The following GULP1 variants were observed in gnomAD, a reference collection of about 807,000 sequenced individuals.
GULP1 encodes the protein PTB domain-containing engulfment adapter protein 1.
GULP1 carries 19 observed loss-of-function variants against 40.9 expected under a neutral mutation model. The ratio of observed to expected loss-of-function variants is 0.46; its 90% confidence interval spans 0.32 to 0.68. The LOEUF is 0.68. GULP1 is among the 30% of genes least tolerant of loss of function. The pLI, the probability that GULP1 is intolerant of heterozygous loss-of-function variation, is 0.03. For missense variants in GULP1, 312 were observed against 362.2 expected, an observed-to-expected ratio of 0.86 and a Z score of 1.12; for synonymous variants, 119 against 117.6, an observed-to-expected ratio of 1.01 and a Z score of -0.08.
chr2:188,588,546 G>C (rs1344626593), intron 11 of GULP1: 1 of 152,876 alleles, frequency 6.5e-6, no homozygotes, highest in Non-Finnish European at 1.5e-5. Flanking sequence ...TGCACTATGG[G>C]CCATGATTTA....
At chr2:188,360,780 A>G (rs1025524797) in intron 1 of GULP1, among the ~76,000 whole-genome samples, 4 of 152,146 alleles carry the variant, frequency 2.6e-5, no homozygotes, top group Admixed American at 2.6e-4. Flanking sequence ...GCAATAAAAC[A>G]CAAACTGCCT....
intron 1 of GULP1, among the ~76,000 whole-genome samples, chr2:188,334,881 A>G (rs2042063194): frequency 6.6e-6 from 1 of 152,220 alleles, no homozygotes; most frequent in Non-Finnish European, 1.5e-5. Flanking sequence ...AATCTGCTAC[A>G]AGTTGTGATG....
chr2:188,452,989 C>T (rs2058956295), intron 2 of GULP1, among the ~76,000 whole-genome samples: 1 of 151,576 alleles, frequency 6.6e-6, no homozygotes, highest in South Asian at 2.1e-4. Flanking sequence ...GTATATTTGC[C>T]CTTTTTTTTT....
chr2:188,572,964 C>T (rs1479515975), intron 9 of GULP1, among the ~76,000 whole-genome samples: 3 of 152,076 alleles, frequency 2.0e-5, no homozygotes, highest in African/African-American at 7.2e-5. Context: ...TAGTTAATAA[C>T]AAGGTATTAT....
At chr2:188,383,042 A>G (rs1244064464) in intron 1 of GULP1, among the ~76,000 whole-genome samples, 1 of 152,182 alleles carries the variant, frequency 6.6e-6, no homozygotes, top group South Asian at 2.1e-4. Context: ...ATGTTTCTCC[A>G]TTCTTCCCCC....
chr2:188,401,099 A>G (rs1044454166), intron 2 of GULP1, among the ~76,000 whole-genome samples: 2 of 152,126 alleles, frequency 1.3e-5, no homozygotes, highest in Non-Finnish European at 2.9e-5. Context: ...AGTGATGTTG[A>G]ATAAACAAAT....
chr2:188,339,408 G>A (rs376952512), intron 1 of GULP1, among the ~76,000 whole-genome samples: 48 of 152,286 alleles, frequency 3.2e-4, no homozygotes, highest in South Asian at 1.2e-3. Flanking sequence ...TTTGTCATTA[G>A]ATGGGTTTTA....
intron 9 of GULP1, among the ~76,000 whole-genome samples, chr2:188,578,949 T>G (rs1700722119): frequency 6.6e-6 from 1 of 152,166 alleles, no homozygotes; most frequent in South Asian, 2.1e-4. Context: ...TCCAGAACCT[T>G]GAAACCTAAG....
chr2:188,539,109 G>A (rs192644100), intron 6 of GULP1, among the ~76,000 whole-genome samples: 30 of 151,750 alleles, frequency 2.0e-4, no homozygotes, highest in East Asian at 9.7e-4. Context: ...CTTTTCTCAC[G>A]TGTCCTCCAA....
intron 2 of GULP1, among the ~76,000 whole-genome samples, chr2:188,418,614 T>C (rs1463146369): frequency 2.0e-5 from 3 of 152,118 alleles, no homozygotes; most frequent in African/African-American, 4.8e-5. Context: ...GCCTGGGGAA[T>C]AGAGCCAGAC....
At chr2:188,301,016 T>C (rs1358255614) in intron 1 of GULP1, among the ~76,000 whole-genome samples, 1 of 152,124 alleles carries the variant, frequency 6.6e-6, no homozygotes, top group African/African-American at 2.4e-5. Context: ...TTCCTGTTTA[T>C]TTATTTATTT....
chr2:188,362,151 G>A (rs1026092281), intron 1 of GULP1, among the ~76,000 whole-genome samples: 2 of 151,944 alleles, frequency 1.3e-5, no homozygotes, highest in Admixed American at 6.6e-5. Flanking sequence ...GTGAAACTGT[G>A]TCTATCTCAT....
At chr2:188,562,785 G>A (rs1206163097) in intron 7 of GULP1, among the ~76,000 whole-genome samples, 1 of 152,134 alleles carries the variant, frequency 6.6e-6, no homozygotes, top group African/African-American at 2.4e-5. Flanking sequence ...TATATGCTGG[G>A]CCATAATGGG....
At chr2:188,507,967 A>C (rs2064105978) in intron 4 of GULP1, among the ~76,000 whole-genome samples, 1 of 151,988 alleles carries the variant, frequency 6.6e-6, no homozygotes, top group African/African-American at 2.4e-5. Flanking sequence ...CTGTATATAT[A>C]AAGGGAAGTT....
intron 1 of GULP1, among the ~76,000 whole-genome samples, chr2:188,335,001 G>A (rs1435699279): frequency 2.0e-5 from 3 of 152,208 alleles, no homozygotes; most frequent in Non-Finnish European, 4.4e-5. Flanking sequence ...TTCAGGCACA[G>A]AGAAAGATAT....
intron 4 of GULP1, among the ~76,000 whole-genome samples, chr2:188,491,791 A>G (rs957890394): frequency 6.6e-6 from 1 of 152,102 alleles, no homozygotes; most frequent in Non-Finnish European, 1.5e-5. Context: ...CAACATATAC[A>G]TAAATTCACA....
rs530403073 is a variant in GULP1, at chr2:188,469,956, C to T, written c.-44-7703C>T. ...TTTTAATGTATTGTTGAATGCAGTT[C>T]GCTAGTACTGTGTTGAGGATTTTTG... On this transcript the variant is annotated intron_variant, in intron 2 of 11. Transcript: ENST00000409830. Among the ~76,000 whole-genome samples, 24 of 152,126 alleles carry T rather than the reference C, an allele frequency of 1.6e-4. No homozygotes were observed. In the East Asian group the frequency reaches 2.1e-3, roughly 14 times the overall value.
At chr2:188,523,121 T>C (rs1020605433) in intron 5 of GULP1, among the ~76,000 whole-genome samples, 4 of 152,350 alleles carry the variant, frequency 2.6e-5, no homozygotes, top group African/African-American at 4.8e-5. Flanking sequence ...AGCTTGCCTT[T>C]ACTTTGCTTG....
At chr2:188,379,461 C>T (rs2048732076) in intron 1 of GULP1, among the ~76,000 whole-genome samples, 1 of 152,134 alleles carries the variant, frequency 6.6e-6, no homozygotes, top group Admixed American at 6.5e-5. Context: ...TTCAGTTTTA[C>T]ATCTTATAAA....
Sources: gnomAD v4.1 joint callset for allele counts (sites outside exome capture counted in the v4.1 genomes callset) on GRCh38, gnomAD v4.1.1 for gene constraint, MANE v1.5 for transcripts, NCBI Gene and HGNC (gene_info 2026-07-23, HGNC 2026-07-21) for gene names.